The following ACYP2 variants were observed in gnomAD, a reference collection of about 807,000 sequenced individuals.
The protein encoded by ACYP2 is acylphosphatase-2.
Under a neutral mutation model 11.2 loss-of-function variants are expected in ACYP2, and 12 were observed. The ratio of observed to expected loss-of-function variants is 1.08; its 90% CI spans 0.69 to 1.74. ACYP2 has a LOEUF of 1.74. Among genes scored for constraint, ACYP2 ranks in the 40% most tolerant of loss-of-function variants. ACYP2 has a pLI of 0.00. For missense variants in ACYP2, 134 were observed against 101.9 expected (o/e 1.31, Z -1.35); for synonymous variants, 43 against 32.2 (o/e 1.33, Z -1.13).
chr2:53,973,895 G>A (rs868655328), intron 2 of ACYP2: 6,980 of 60,994 alleles, frequency 0.11, 233 homozygotes, highest in South Asian at 0.15. Context: ...GTGTGTGTGT[G>A]TGTGTGTATA....
intron 2 of ACYP2, among the ~76,000 whole-genome samples, chr2:54,032,253 T>C (rs1207920543): frequency 6.6e-6 from 1 of 152,214 alleles, no homozygotes; most frequent in African/African-American, 2.4e-5. Flanking sequence ...GGTTTTATGG[T>C]TTTAGGTCTA....
At chr2:53,978,612 G>A (rs1034758918) in intron 2 of ACYP2, among the ~76,000 whole-genome samples, 7 of 152,060 alleles carry the variant, frequency 4.6e-5, no homozygotes, top group Admixed American at 4.6e-4. Context: ...CAGGCTGGGG[G>A]TAGTGGCTCA....
rs557573903 is a variant in ACYP2 at position 54,232,874 on chromosome 2, C to A, written c.405-71814C>A. 1.5e-3 allele frequency among the ~76,000 whole-genome samples: 223 copies of A among 152,246 alleles called. 1 individual carries two copies. Among genetic ancestry groups the A allele is most frequent in the African/African-American group, 5.2e-3 (217 of 41,548 alleles). On this transcript the variant is annotated intron_variant, in intron 6 of 6. Transcript: ENST00000607452. Reference sequence around the variant, plus strand: ...CAAGATGCAGTCACCTCCCACCAGGCCCCTCCCTTGACATATAGGGATTAC... The same window carrying A: ...CAAGATGCAGTCACCTCCCACCAGGACCCTCCCTTGACATATAGGGATTAC...
Position 54,047,836 on chromosome 2 carries a change from G to GAA in ACYP2, c.63-3122_63-3121insAA, listed in dbSNP as rs1558493538. Among the ~76,000 whole-genome samples, 1,065 of 152,138 alleles carry GAA rather than the reference G, an allele frequency of 7.0e-3. 18 individuals carry two copies. The highest frequency in any genetic ancestry group is 0.025 in the African/African-American group (1,022 of 41,492). On this transcript the variant is annotated intron_variant, in intron 2 of 6. Transcript: ENST00000607452. The stretch of plus-strand genomic sequence containing the variant: ...GAACATTCTACTTAGACAAAAGACC[G>GAA]CAGCTACCATACCACGATAAGAAAT...
intron 6 of ACYP2, among the ~76,000 whole-genome samples, chr2:54,183,105 G>C (rs564167138): frequency 4.6e-5 from 7 of 152,228 alleles, no homozygotes; most frequent in South Asian, 2.1e-4. Context: ...AATATGTTCT[G>C]TATGTTCTAT....
intron 4 of ACYP2, among the ~76,000 whole-genome samples, chr2:54,058,573 G>A (rs1459101349): frequency 1.3e-5 from 2 of 152,118 alleles, no homozygotes; most frequent in Non-Finnish European, 2.9e-5. Context: ...GGTAACCCAA[G>A]TATTGTACTT....
intron 6 of ACYP2, among the ~76,000 whole-genome samples, chr2:54,280,140 C>A (rs147963680): frequency 6.9e-4 from 105 of 152,098 alleles, no homozygotes; most frequent in African/African-American, 2.4e-3. Flanking sequence ...AAGGAATGGC[C>A]CAAAGCCTCC....
chr2:54,017,094 A>G (rs1485772625), intron 2 of ACYP2, among the ~76,000 whole-genome samples: 1 of 152,008 alleles, frequency 6.6e-6, no homozygotes. Flanking sequence ...GCAAAAGGGA[A>G]CAAGGACTGT....
intron 2 of ACYP2, among the ~76,000 whole-genome samples, chr2:54,042,375 A>G (rs1675279921): frequency 1.3e-5 from 2 of 152,228 alleles, no homozygotes; most frequent in South Asian, 2.1e-4. Flanking sequence ...GTGTTAAGCT[A>G]TAAACGTTGC....
At chr2:54,011,692 A>G (rs988692706) in intron 2 of ACYP2, among the ~76,000 whole-genome samples, 1 of 152,058 alleles carries the variant, frequency 6.6e-6, no homozygotes, top group Admixed American at 6.6e-5. Context: ...ATTGGGACAC[A>G]TCAGTGTATT....
intron 4 of ACYP2, among the ~76,000 whole-genome samples, chr2:54,080,648 C>T (rs1350041988): frequency 6.6e-6 from 1 of 152,066 alleles, no homozygotes; most frequent in Non-Finnish European, 1.5e-5. Flanking sequence ...GCCACCATGC[C>T]CAGGTAATTT....
chr2:54,152,163 G>A (rs1246447114), intron 6 of ACYP2, among the ~76,000 whole-genome samples: 2 of 140,796 alleles, frequency 1.4e-5, no homozygotes, highest in African/African-American at 5.3e-5. Flanking sequence ...CTGTTCCCAG[G>A]CTGCTGTGTA....
At chr2:54,265,193 AAG>A (rs1687959323) in intron 6 of ACYP2, among the ~76,000 whole-genome samples, 2 of 152,162 alleles carry the variant, frequency 1.3e-5, no homozygotes, top group Admixed American at 6.5e-5. Flanking sequence ...TTACAAAAGA[AAG>A]AGGTTTAATG....
chr2:54,065,083 CTAAATAAATAAA>C (rs58007169), intron 4 of ACYP2, among the ~76,000 whole-genome samples: 3,263 of 148,894 alleles, frequency 0.022, 45 homozygotes, highest in Middle Eastern at 0.059. Context: ...GACTCCATCT[CTAAATAAATAAA>C]TAAATAAATA....
intron 6 of ACYP2, among the ~76,000 whole-genome samples, chr2:54,210,650 T>G (rs753716796): frequency 1.3e-5 from 2 of 152,208 alleles, no homozygotes; most frequent in Non-Finnish European, 2.9e-5. Flanking sequence ...TGCACAAGTA[T>G]TGTAAGTACT....
At chr2:54,115,504 C>T (rs1000071602) in intron 4 of ACYP2, 111 bp from the exon 1 acceptor site, 17 of 1,432,976 alleles carry the variant, frequency 1.2e-5, no homozygotes, top group African/African-American at 2.9e-5. Context: ...CTGGCGTCCC[C>T]GGCTGCCCTC....
intron 4 of ACYP2, among the ~76,000 whole-genome samples, chr2:54,072,101 A>G (rs955736426): frequency 6.6e-6 from 1 of 152,216 alleles, no homozygotes; most frequent in Non-Finnish European, 1.5e-5. Flanking sequence ...AGGAATTAAA[A>G]TACTTAGGAG....
At chr2:54,248,713 A>G (rs1230683693) in intron 6 of ACYP2, among the ~76,000 whole-genome samples, 1 of 152,202 alleles carries the variant, frequency 6.6e-6, no homozygotes. Context: ...CGAAGAAAAG[A>G]AGATGACTAA....
At chr2:54,134,643 C>T (rs576487580) in intron 4 of ACYP2, among the ~76,000 whole-genome samples, 36 of 152,246 alleles carry the variant, frequency 2.4e-4, no homozygotes, top group African/African-American at 8.2e-4. Context: ...TCTTCCTTTT[C>T]TCTTTTCATT....
Sources: allele counts gnomAD v4.1 joint callset (sites outside exome capture counted in the v4.1 genomes callset), GRCh38; gene constraint gnomAD v4.1.1; transcripts MANE v1.5; gene names NCBI Gene and HGNC (gene_info 2026-07-23, HGNC 2026-07-21).